The following UXS1 variants were observed in gnomAD, a reference collection of about 807,000 sequenced individuals.
UXS1 encodes the protein UDP-glucuronate decarboxylase 1, also known as UDP-glucuronic acid decarboxylase 1.
UXS1 carries 33 observed loss-of-function variants against 62.6 expected under a neutral mutation model. That is an observed-to-expected ratio of 0.53 (90% CI 0.40 to 0.70). The LOEUF (loss-of-function observed/expected upper bound fraction) is 0.70, where lower values mean the gene tolerates loss of function less well. Ranked by LOEUF, UXS1 falls within the 30% of genes least tolerant of loss-of-function variation. The probability of loss-of-function intolerance (pLI) is 0.00; values close to 1 mark genes in which losing one functional copy is unlikely to be tolerated. For missense variants in UXS1, 434 were observed against 556.3 expected (o/e 0.78, Z 2.21); for synonymous variants, 213 against 206.8 (o/e 1.03, Z -0.26).
Position 106,125,682 on chromosome 2 carries a change from A to T in UXS1, c.578-3T>A. ...GGCACCGACTCGTTTTGCCAGCCCT[A>T]CAGAAAGCAATGACATGATAAAAGA... On this transcript the variant is annotated splice_polypyrimidine_tract_variant and splice_region_variant and intron_variant, in intron 7 of 14. Coordinates refer to ENST00000283148, the MANE Select transcript of UXS1 (RefSeq NM_001253875.2). 1 of 1,574,368 alleles carries T rather than the reference A, an allele frequency of 6.4e-7. No homozygotes were observed. The highest frequency in any genetic ancestry group is 8.6e-7 in the Non-Finnish European group (1 of 1,159,518).
chr2:106,179,072 G>A (rs1361875936), intron 1 of UXS1, among the ~76,000 whole-genome samples: 1 of 152,136 alleles, frequency 6.6e-6, no homozygotes, highest in Non-Finnish European at 1.5e-5. Context: ...GGTCACTGGT[G>A]TCTGGCTCTC....
rs555466030 is a variant in UXS1, at chr2:106,114,403, G to T, written c.760-1638C>A. Among the ~76,000 whole-genome samples, 69 of 152,342 alleles carry T rather than the reference G, an allele frequency of 4.5e-4. 1 individual carries two copies. The highest frequency in any genetic ancestry group is 1.6e-3 in the African/African-American group (66 of 41,572). ...CGAACTAATGAGTGTATTAAAAAGG[G>T]TGGGGAGCAGAGATGCTGCTCTCAA... On this transcript the variant is annotated intron_variant, in intron 9 of 14. Coordinates refer to ENST00000283148, the MANE Select transcript of UXS1 (RefSeq NM_001253875.2).
chr2:106,111,221 A>C (rs1678575327), intron 10 of UXS1, among the ~76,000 whole-genome samples: 1 of 152,084 alleles, frequency 6.6e-6, no homozygotes, highest in South Asian at 2.1e-4. Flanking sequence ...CTACCTAGGG[A>C]GGGCACGGCC....
At chr2:106,111,496 C>T (rs1489106813) in intron 10 of UXS1, among the ~76,000 whole-genome samples, 4 of 152,270 alleles carry the variant, frequency 2.6e-5, no homozygotes, top group South Asian at 2.1e-4. Context: ...ACGTTGGTAG[C>T]GGAGCAGCCA....
intron 9 of UXS1, among the ~76,000 whole-genome samples, chr2:106,118,568 G>A (rs146089144): frequency 5.9e-5 from 9 of 152,196 alleles, no homozygotes; most frequent in African/African-American, 2.2e-4. Flanking sequence ...TTCCTCCCTG[G>A]CAAGTTCTAA....
chr2:106,107,718 A>G (rs562323834), intron 10 of UXS1, among the ~76,000 whole-genome samples: 2 of 152,330 alleles, frequency 1.3e-5, no homozygotes, highest in South Asian at 4.1e-4. Context: ...TGACTCATTC[A>G]TAAGTGCACT....
At chr2:106,147,701 C>A (rs922023671) in intron 5 of UXS1, among the ~76,000 whole-genome samples, 1 of 152,192 alleles carries the variant, frequency 6.6e-6, no homozygotes, top group Non-Finnish European at 1.5e-5. Flanking sequence ...TTGATTTATA[C>A]CTCCTTGTAA....
chr2:106,106,770 C>A (rs1678108543), intron 10 of UXS1, among the ~76,000 whole-genome samples: 1 of 152,160 alleles, frequency 6.6e-6, no homozygotes, highest in Admixed American at 6.5e-5. Context: ...AGGAGGTCCA[C>A]CCACTGCCAG....
In UXS1 at chr2:106,093,930, C is replaced by G. The variant is rs1558664885; in HGVS notation, c.*96G>C. Reference sequence around the variant, plus strand: ...AAATTCCAGTTTGTTCTTCATGACACCTGTTAAAGTCTTTCTTTAAACGAC... The same window carrying G: ...AAATTCCAGTTTGTTCTTCATGACAGCTGTTAAAGTCTTTCTTTAAACGAC... On this transcript the variant is annotated 3_prime_UTR_variant, in exon 15 of 15. Coordinates refer to ENST00000283148, the MANE Select transcript of UXS1 (RefSeq NM_001253875.2). The G allele has an allele frequency of 7.0e-7, 1 of 1,421,694 alleles. No individual in the cohort carries two copies. The highest frequency in any genetic ancestry group is 1.5e-5 in the African/African-American group (1 of 67,962). The allele number at this position is 1,421,694 out of a possible 1,614,324, so 88.1% of individuals were successfully genotyped here. A position where few individuals can be genotyped will look rare whatever the true frequency, so the allele number is the denominator to read the frequency against.
intron 6 of UXS1, among the ~76,000 whole-genome samples, chr2:106,137,791 G>A (rs1383736812): frequency 2.6e-5 from 4 of 151,828 alleles, no homozygotes; most frequent in East Asian, 3.9e-4. Flanking sequence ...GCAAAACTCC[G>A]TCTCAAAAAA....
Position 106,194,292 on chromosome 2 carries a change from T to C in UXS1, c.-51A>G. On this transcript the variant is annotated 5_prime_UTR_variant, in exon 1 of 15. Transcript: ENST00000283148. ...CCCTACCGCGCGGGGGCCCGCCTGC[T>C]GCACAATGCGCGGCGGCGGCGGCGG... 1 of 1,080,818 alleles carries C rather than the reference T, an allele frequency of 9.3e-7. No individual in the cohort carries two copies. Among genetic ancestry groups the C allele is most frequent in the Non-Finnish European group, 1.2e-6 (1 of 868,812 alleles). 67.0% of individuals were successfully genotyped at this position (1,080,818 alleles called of 1,614,324 possible).
chr2:106,149,014 A>C (rs1020299702), intron 5 of UXS1, among the ~76,000 whole-genome samples: 1 of 152,226 alleles, frequency 6.6e-6, no homozygotes, highest in East Asian at 1.9e-4. Context: ...CATGATGCTT[A>C]GCAAATTAGC....
chr2:106,136,976 A>AAG (rs1171851425), intron 6 of UXS1, among the ~76,000 whole-genome samples: 7 of 143,490 alleles, frequency 4.9e-5, no homozygotes, highest in Non-Finnish European at 7.6e-5. Flanking sequence ...AAAAAAAAAA[A>AAG]AAAAAAAAAA....
At chr2:106,106,729 G>A (rs1558680693) in intron 10 of UXS1, among the ~76,000 whole-genome samples, 1 of 152,210 alleles carries the variant, frequency 6.6e-6, no homozygotes. Flanking sequence ...TGTGAGGAAG[G>A]TAGGAAGCAG....
At chr2:106,119,763 C>A (rs1679373096) in intron 9 of UXS1, among the ~76,000 whole-genome samples, 1 of 152,202 alleles carries the variant, frequency 6.6e-6, no homozygotes, top group African/African-American at 2.4e-5. Context: ...TGCTTGGACC[C>A]ACCCTTGCTG....
intron 4 of UXS1, chr2:106,160,352 C>G (rs1682795344): frequency 6.6e-6 from 1 of 152,266 alleles, no homozygotes; most frequent in Non-Finnish European, 1.5e-5. Context: ...CTTCCCACGA[C>G]TGCTCATAAG....
At chr2:106,123,293 T>C (rs1282526849) in intron 8 of UXS1, among the ~76,000 whole-genome samples, 1 of 53,656 alleles carries the variant, frequency 1.9e-5, no homozygotes, top group Non-Finnish European at 6.3e-5. Context: ...ATATTTTACT[T>C]ACAGGGGAAA....
At position 106,094,134 on chromosome 2, in the gene UXS1, G is replaced by A; in HGVS notation, c.1170C>T (p.Asn390=). ...EPVVPLEEGL[N]KAIHYFRKEL... Reference sequence around the variant, plus strand: ...CTTTACGGAAGTAGTGAATTGCTTTGTTTAAACCTTCCTCCAGCGGGACCT... The same window carrying A: ...CTTTACGGAAGTAGTGAATTGCTTTATTTAAACCTTCCTCCAGCGGGACCT... Residue 390 remains asparagine, a synonymous_variant, in exon 15 of 15, where the codon AAC becomes AAT. Transcript: ENST00000283148. 6.2e-7 allele frequency: 1 copy of A among 1,611,716 alleles called. No homozygotes were observed. The highest frequency in any genetic ancestry group is 1.7e-5 in the Admixed American group (1 of 59,804).
At chr2:106,141,554 C>A (rs1357414313) in intron 6 of UXS1, among the ~76,000 whole-genome samples, 1 of 150,696 alleles carries the variant, frequency 6.6e-6, no homozygotes, top group Non-Finnish European at 1.5e-5. Flanking sequence ...ACTTCCTGGG[C>A]TCAAGTAATC....
Sources: allele counts gnomAD v4.1 joint callset (sites outside exome capture counted in the v4.1 genomes callset), GRCh38; gene constraint gnomAD v4.1.1; transcripts MANE v1.5; gene names NCBI Gene and HGNC (gene_info 2026-07-23, HGNC 2026-07-21).